Variants in NRBP1 observed in about 807,000 individuals in gnomAD.
The protein encoded by NRBP1 is nuclear receptor-binding protein.
In NRBP1, 10 loss-of-function variants were observed where a neutral mutation model predicts 76.0. That is an observed-to-expected ratio of 0.13 (90% CI 0.08 to 0.22). The LOEUF (loss-of-function observed/expected upper bound fraction) is 0.22, where lower values mean the gene tolerates loss of function less well. Ranked by LOEUF, NRBP1 falls within the 10% of genes least tolerant of loss-of-function variation. The pLI is 1.00. For missense variants in NRBP1, 344 were observed against 646.0 expected (o/e 0.53, Z 5.07); for synonymous variants, 235 against 240.2 (o/e 0.98, Z 0.20).
intron 11 of NRBP1, 33 bp from the exon 12 acceptor site, chr2:27,440,370 C>A: frequency 7.0e-7 from 1 of 1,418,448 alleles, no homozygotes. Context: ...CTGACTATCC[C>A]TTCATAATAT....
chr2:27,435,717 C>A (rs1269079331), intron 7 of NRBP1: 1 of 717,508 alleles, frequency 1.4e-6, no homozygotes, highest in Non-Finnish European at 2.6e-6. Context: ...GCTCTGTTCC[C>A]AACAGTCTTT....
At chr2:27,433,821 C>T (rs1170687745) in intron 3 of NRBP1, 26 bp downstream of exon 3, 2 of 1,613,734 alleles carry the variant, frequency 1.2e-6, no homozygotes, top group African/African-American at 2.7e-5. Context: ...AAGGTGAAGC[C>T]TGGGGAATGT....
chr2:27,440,534 G>T, intron 12 of NRBP1, 26 bp downstream of exon 12: 1 of 1,601,690 alleles, frequency 6.2e-7, no homozygotes, highest in East Asian at 2.2e-5. Flanking sequence ...GGTCTGAAAG[G>T]GGCAGATTGG....
intron 7 of NRBP1, 99 bp from the exon 8 acceptor site, chr2:27,436,654 G>C (rs1362116663): frequency 5.4e-6 from 5 of 930,542 alleles, no homozygotes; most frequent in South Asian, 1.3e-5. Context: ...CATCAGAAAG[G>C]AGACTTCAGG....
At chr2:27,434,689 T>A in intron 5 of NRBP1, 33 bp from the exon 6 acceptor site, 1 of 1,613,376 alleles carries the variant, frequency 6.2e-7, no homozygotes, top group South Asian at 1.1e-5. Flanking sequence ...GAGAGGGAAT[T>A]ACTGCTGACC....
At chr2:27,434,306 C>T (rs1664225229) in intron 4 of NRBP1, among the ~76,000 whole-genome samples, 165 bp from the exon 5 acceptor site, 1 of 152,178 alleles carries the variant, frequency 6.6e-6, no homozygotes, top group African/African-American at 2.4e-5. Context: ...CTTCTTTCTT[C>T]CCATAACTTT....
intron 10 of NRBP1, among the ~76,000 whole-genome samples, chr2:27,438,165 G>A (rs977788438): frequency 6.9e-6 from 1 of 144,344 alleles, no homozygotes; most frequent in Admixed American, 6.9e-5. Flanking sequence ...GGGCAAGAGA[G>A]CGAGACTGTC....
chr2:27,441,995 C>G lies in NRBP1; in HGVS notation c.*183C>G. 1.7e-6 allele frequency: 1 copy of G among 585,026 alleles called. No homozygotes were observed. 36.2% of individuals were successfully genotyped at this position (585,026 alleles called of 1,614,324 possible). A position where few individuals can be genotyped will look rare whatever the true frequency, so the allele number is the denominator to read the frequency against. On this transcript the variant is annotated 3_prime_UTR_variant, in exon 18 of 18. Coordinates refer to ENST00000379852, the MANE Select transcript of NRBP1 (RefSeq NM_013392.4). ...CTTTCCCCTCCCCTCTCTTCCTCCC[C>G]TCTGCACTTTGTTTACTTGTTTTGC...
chr2:27,433,854 A>C, intron 3 of NRBP1, 59 bp downstream of exon 3: 1 of 1,612,686 alleles, frequency 6.2e-7, no homozygotes, highest in Non-Finnish European at 8.5e-7. Flanking sequence ...GTTAGAGAGG[A>C]ATTGGTGTTG....
chr2:27,428,405 G>C, upstream of NRBP1: 1 of 370,590 alleles, frequency 2.7e-6, no homozygotes, highest in Non-Finnish European at 4.8e-6. Flanking sequence ...GGACCGGGCG[G>C]TGGGGTGGAC....
intron 9 of NRBP1, 30 bp downstream of exon 9, chr2:27,437,135 G>A: frequency 6.2e-7 from 1 of 1,607,644 alleles, no homozygotes; most frequent in East Asian, 2.2e-5. Context: ...GGGGGGAAAG[G>A]GGTCAGATGA....
intron 1 of NRBP1, among the ~76,000 whole-genome samples, chr2:27,431,384 T>C (rs536654653): frequency 3.7e-4 from 57 of 152,308 alleles, no homozygotes; most frequent in African/African-American, 1.3e-3. Flanking sequence ...GTGAATGAAA[T>C]GAAAGCTGGA....
chr2:27,433,994 G>A lies in NRBP1; in HGVS notation c.339G>A (p.Lys113=). The A allele has an allele frequency of 3.1e-6, 5 of 1,613,862 alleles. No homozygotes were observed. Among genetic ancestry groups the A allele is most frequent in the Non-Finnish European group, 4.2e-6 (5 of 1,179,882 alleles). ...ERKNYKLQEE[K]VRAVFDNLIQ... ...ACTGTCTCCCTTGCTTTCAGGAAAA[G>A]GTTCGTGCTGTGTTTGATAATCTGA... The change falls in exon 4 of 18, where the codon AAG becomes AAA. Residue 113 remains lysine, a synonymous_variant. Transcript: ENST00000379852.
At position 27,442,163 on chromosome 2, in the gene NRBP1, G is replaced by C. The variant is rs1031319456; in HGVS notation, c.*351G>C. 13 of 529,026 alleles carry C rather than the reference G, an allele frequency of 2.5e-5. No homozygotes were observed. The highest frequency in any genetic ancestry group is 4.0e-5 in the Non-Finnish European group (12 of 303,130). 32.8% of individuals were successfully genotyped at this position (529,026 alleles called of 1,614,324 possible). On this transcript the variant is annotated 3_prime_UTR_variant, in exon 18 of 18. Coordinates refer to ENST00000379852, the MANE Select transcript of NRBP1 (RefSeq NM_013392.4). ...ATTCTACAATCCCGCTGGGGCGGCC[G>C]GGGCGGGAGAGAAAGGTGGTGCTGC...
Position 27,442,151 on chromosome 2 carries a change from G to A in NRBP1, c.*339G>A. 2 of 531,174 alleles carry A rather than the reference G, an allele frequency of 3.8e-6. No homozygotes were observed. Among genetic ancestry groups the A allele is most frequent in the South Asian group, 2.6e-5 (1 of 38,744 alleles). 32.9% of individuals were successfully genotyped at this position (531,174 alleles called of 1,614,324 possible). On this transcript the variant is annotated 3_prime_UTR_variant, in exon 18 of 18. Coordinates refer to ENST00000379852, the MANE Select transcript of NRBP1 (RefSeq NM_013392.4). ...TAGGGGAGCCGAATTCTACAATCCC[G>A]CTGGGGCGGCCGGGGCGGGAGAGAA...
chr2:27,428,560 A>G (rs1294284147), upstream of NRBP1: 6 of 396,038 alleles, frequency 1.5e-5, no homozygotes, highest in Non-Finnish European at 2.2e-5. Flanking sequence ...ACGTCACCCA[A>G]TGGAAACCTG....
Position 27,439,505 on chromosome 2 carries a change from T to C in NRBP1, c.904-261T>C, listed in dbSNP as rs1301397251. On this transcript the variant is annotated intron_variant, in intron 10 of 17. Transcript: ENST00000379852. ...GTCTCAAAAAAAAAAAAAAAAAAAA[T>C]TGTGAACATTAAAAAAGAAAGCTTG... is the stretch of plus-strand genomic sequence containing the variant. 3.4e-5 allele frequency among the ~76,000 whole-genome samples: 5 copies of C among 145,450 alleles called. 1 individual carries two copies. In the East Asian group the frequency reaches 5.9e-4, roughly 17 times the overall value.
At chr2:27,435,296 G>A in intron 7 of NRBP1, 69 bp downstream of exon 7, 3 of 1,354,966 alleles carry the variant, frequency 2.2e-6, no homozygotes, top group Non-Finnish European at 3.1e-6. Context: ...TAAGATGAAA[G>A]GAATGGGGGA....
chr2:27,440,979 G>C, intron 14 of NRBP1, 39 bp downstream of exon 14: 7 of 1,612,314 alleles, frequency 4.3e-6, no homozygotes, highest in Non-Finnish European at 5.9e-6. Context: ...CCATGGTTGT[G>C]GTGGAAGGGA....
Sources: gnomAD v4.1 joint callset for allele counts (sites outside exome capture counted in the v4.1 genomes callset) on GRCh38, gnomAD v4.1.1 for gene constraint, MANE v1.5 for transcripts, NCBI Gene and HGNC (gene_info 2026-07-23, HGNC 2026-07-21) for gene names.